The following PYY variants were observed in gnomAD, a reference collection of about 807,000 sequenced individuals.
The protein encoded by PYY is peptide YY.
Under a neutral mutation model 10.3 loss-of-function variants are expected in PYY, and 12 were observed. The ratio of observed to expected loss-of-function variants is 1.17; its 90% CI spans 0.75 to 1.89. The LOEUF (loss-of-function observed/expected upper bound fraction) is 1.89, where lower values mean the gene tolerates loss of function less well. PYY is among the 40% of genes most tolerant of loss of function. The pLI, the probability that PYY is intolerant of heterozygous loss-of-function variation, is 0.00. For missense variants in PYY, 141 were observed against 134.0 expected (o/e 1.05, Z -0.26); for synonymous variants, 66 against 62.0 (o/e 1.06, Z -0.30).
chr17:43,959,479 G>GT (rs2048697179), intron 2 of PYY, among the ~76,000 whole-genome samples: 1 of 152,226 alleles, frequency 6.6e-6, no homozygotes, highest in Non-Finnish European at 1.5e-5. Context: ...GAAGCCAGGA[G>GT]TTTGAGACCA....
At position 43,980,344 on chromosome 17, in the gene PYY, A is replaced by G. The variant is rs543194341; in HGVS notation, c.-462-13812T>C. 5.3e-5 allele frequency among the ~76,000 whole-genome samples: 8 copies of G among 151,648 alleles called. No homozygotes were observed. The East Asian group carries it at 1.4e-3, about 26-fold the overall frequency. The stretch of plus-strand genomic sequence containing the variant: ...ATGCCCGGCTAATTTTTGTATTTTT[A>G]GTAGAGATGGGGTTTCACCATGTTG... On this transcript the variant is annotated intron_variant, in intron 1 of 6. Transcript: ENST00000360085.
In PYY at chr17:43,963,986, G is replaced by T. The variant is rs117240435; in HGVS notation, c.-218+2302C>A. Among the ~76,000 whole-genome samples, 399 of 152,250 alleles carry T rather than the reference G, an allele frequency of 2.6e-3. 1 individual carries two copies. The highest frequency in any genetic ancestry group is 0.012 in the South Asian group (59 of 4,818). On this transcript the variant is annotated intron_variant, in intron 2 of 6. Coordinates refer to the PYY transcript ENST00000360085. ...GAACGTGCCACTGCACTCCAGCCTGGTGACAGAGAGAGACCCTGTCTCTAT... is the reference window on the plus strand; with the variant it reads ...GAACGTGCCACTGCACTCCAGCCTGTTGACAGAGAGAGACCCTGTCTCTAT...
At chr17:43,966,971 C>T (rs184668072) in intron 1 of PYY, among the ~76,000 whole-genome samples, 8 of 152,242 alleles carry the variant, frequency 5.3e-5, no homozygotes, top group African/African-American at 1.7e-4. Flanking sequence ...AGACAGAAGG[C>T]TATTCCTATC....
chr17:44,003,395 G>A (rs766375191), intron 1 of PYY, among the ~76,000 whole-genome samples: 3 of 152,024 alleles, frequency 2.0e-5, no homozygotes, highest in Non-Finnish European at 4.4e-5. Flanking sequence ...GGTGGCTCAC[G>A]CCTGTAATCC....
At chr17:43,994,601 G>C (rs951819743) in intron 1 of PYY, among the ~76,000 whole-genome samples, 1 of 152,120 alleles carries the variant, frequency 6.6e-6, no homozygotes, top group Non-Finnish European at 1.5e-5. Context: ...TCCAGGGTGC[G>C]GCAAGGGCGC....
chr17:43,972,191 TTTTATTTATTTA>T (rs3080250), intron 1 of PYY, among the ~76,000 whole-genome samples: 66 of 138,226 alleles, frequency 4.8e-4, no homozygotes, highest in African/African-American at 1.3e-3. Flanking sequence ...TTTTATTTTA[TTTTATTTATTTA>T]TTTATTTATT....
At chr17:43,999,697 G>T (rs1413495683) in intron 1 of PYY, among the ~76,000 whole-genome samples, 1 of 151,924 alleles carries the variant, frequency 6.6e-6, no homozygotes, top group Non-Finnish European at 1.5e-5. Context: ...GAACCCAGGA[G>T]GCAGAGGTTG....
At chr17:43,967,656 G>A (rs2048763513) in intron 1 of PYY, among the ~76,000 whole-genome samples, 1 of 152,212 alleles carries the variant, frequency 6.6e-6, no homozygotes, top group Non-Finnish European at 1.5e-5. Flanking sequence ...AGATGAGATG[G>A]AGTAAGCAGC....
At chr17:43,986,271 A>C (rs1048295098) in intron 1 of PYY, among the ~76,000 whole-genome samples, 4 of 152,188 alleles carry the variant, frequency 2.6e-5, no homozygotes, top group Admixed American at 6.5e-5. Flanking sequence ...CTCAAAAAAA[A>C]AGAAAAGAAA....
chr17:43,952,813 A>G lies in PYY; in HGVS notation c.*143T>C. The G allele has an allele frequency of 2.3e-6, 2 of 859,440 alleles. No homozygotes were observed. The highest frequency in any genetic ancestry group is 3.5e-6 in the Non-Finnish European group (2 of 572,144). The allele number at this position is 859,440 out of a possible 1,614,324, so 53.2% of individuals were successfully genotyped here. A position where few individuals can be genotyped will look rare whatever the true frequency, so the allele number is the denominator to read the frequency against. On this transcript the variant is annotated 3_prime_UTR_variant, in exon 4 of 4. Coordinates refer to ENST00000692052, the MANE Select transcript of PYY (RefSeq NM_001394028.1). ...GCCCTCCAGCCCAGGGGGCGGGGGC[A>G]CCGAGACGCGGGCGGAGGGCCGCAC...
chr17:44,000,453 G>A (rs2049018315), intron 1 of PYY, among the ~76,000 whole-genome samples: 1 of 151,992 alleles, frequency 6.6e-6, no homozygotes, highest in Admixed American at 6.6e-5. Flanking sequence ...TCCTGTAGCT[G>A]TCAATGGCCA....
At chr17:43,972,575 C>G (rs1214765075) in intron 1 of PYY, among the ~76,000 whole-genome samples, 3 of 151,232 alleles carry the variant, frequency 2.0e-5, no homozygotes, top group Admixed American at 2.0e-4. Context: ...ATCACCGAGG[C>G]TGGAATGCAG....
chr17:43,957,643 T>C (rs1162189761), upstream of PYY, among the ~76,000 whole-genome samples: 2 of 151,990 alleles, frequency 1.3e-5, no homozygotes, highest in Non-Finnish European at 2.9e-5. Flanking sequence ...GGTGACAGAG[T>C]GAGAATCTGT....
chr17:43,959,785 G>C (rs1367479349), intron 2 of PYY, among the ~76,000 whole-genome samples: 1 of 152,284 alleles, frequency 6.6e-6, no homozygotes, highest in Admixed American at 6.5e-5. Context: ...TGTGAGTTCT[G>C]CGCACATCCC....
At chr17:43,976,283 G>GTATA (rs1456094848) in intron 1 of PYY, among the ~76,000 whole-genome samples, 6 of 87,198 alleles carry the variant, frequency 6.9e-5, no homozygotes, top group African/African-American at 2.7e-4. Flanking sequence ...GTATATATAC[G>GTATA]CATATGTATA....
At chr17:43,965,480 CAA>C (rs111474346) in intron 2 of PYY, among the ~76,000 whole-genome samples, 9 of 89,458 alleles carry the variant, frequency 1.0e-4, no homozygotes, top group Admixed American at 3.9e-4. Flanking sequence ...GACTCCGTAT[CAA>C]AAAAAAAAAA....
At chr17:43,981,340 A>G (rs915393562) in intron 1 of PYY, among the ~76,000 whole-genome samples, 1 of 152,210 alleles carries the variant, frequency 6.6e-6, no homozygotes, top group Non-Finnish European at 1.5e-5. Context: ...TCAACACAGT[A>G]TGAGACCTGG....
chr17:43,967,421 C>T (rs984858739), intron 1 of PYY, among the ~76,000 whole-genome samples: 4 of 152,172 alleles, frequency 2.6e-5, no homozygotes, highest in Non-Finnish European at 4.4e-5. Flanking sequence ...AGCCCCATAC[C>T]TCACCCCACA....
upstream of PYY, among the ~76,000 whole-genome samples, chr17:43,957,534 T>C (rs1215220984): frequency 6.6e-6 from 1 of 151,894 alleles, no homozygotes; most frequent in Non-Finnish European, 1.5e-5. Flanking sequence ...GGCGGGCGCC[T>C]GTAATCCAGC....
Sources: allele counts gnomAD v4.1 joint callset (sites outside exome capture counted in the v4.1 genomes callset), GRCh38; gene constraint gnomAD v4.1.1; transcripts MANE v1.5; gene names NCBI Gene and HGNC (gene_info 2026-07-23, HGNC 2026-07-21).